ERVK3-1: variants seen among roughly 807,000 people sequenced by gnomAD.
The protein encoded by ERVK3-1 is HERV-K(HML6-1).
downstream of ERVK3-1, among the ~76,000 whole-genome samples, chr19:58,316,094 C>T (rs532389778): frequency 1.3e-5 from 2 of 152,208 alleles, no homozygotes; most frequent in South Asian, 4.1e-4. Context: ...GGGTGGCAGT[C>T]ACAGTGGCAC....
downstream of ERVK3-1, among the ~76,000 whole-genome samples, chr19:58,316,664 TGTCTCAAAAACCAA>T (rs2051594565): frequency 6.6e-6 from 1 of 152,180 alleles, no homozygotes; most frequent in Non-Finnish European, 1.5e-5. Context: ...AGCGAAACTC[TGTCTCAAAAACCAA>T]ACAAAAAACA....
chr19:58,315,834 G>T (rs1475829769), downstream of ERVK3-1, among the ~76,000 whole-genome samples: 1 of 152,160 alleles, frequency 6.6e-6, no homozygotes, highest in African/African-American at 2.4e-5. Context: ...TCATTTTCCA[G>T]AATCCCAGGC....
In ERVK3-1 at chr19:58,310,899, C is replaced by T. The variant is rs2147970306; in HGVS notation, c.-3-1267C>T. 1.0e-5 allele frequency: 4 copies of T among 392,964 alleles called. No individual in the cohort carries two copies. The highest frequency in any genetic ancestry group is 7.3e-5 in the South Asian group (4 of 55,122). 24.3% of individuals were successfully genotyped at this position (392,964 alleles called of 1,614,324 possible). ...TTGACACTTTTCGCTACCGCTAGAC[C>T]ACGGTCTTCCCAAACGCTGGCGTCA... On this transcript the variant is annotated intron_variant, in intron 2 of 3. Transcript: ENST00000413518. The surrounding 1 kb of genome is among the most constrained non-coding windows in gnomAD (Gnocchi z 4.7).
downstream of ERVK3-1, among the ~76,000 whole-genome samples, chr19:58,315,900 A>T (rs2051589637): frequency 6.6e-6 from 1 of 152,196 alleles, no homozygotes. Context: ...TGTAGGATCA[A>T]AGAGAAGGCG....
intron 2 of ERVK3-1, chr19:58,311,209 C>T (rs1263516916): frequency 6.6e-6 from 1 of 152,262 alleles, no homozygotes; most frequent in African/African-American, 2.4e-5. Flanking sequence ...CCCGTGTCCT[C>T]TGTCTCTTGC....
chr19:58,314,907 A>C (rs749657104), exon 4 of ERVK3-1: 14 of 395,504 alleles, frequency 3.5e-5, no homozygotes, highest in African/African-American at 8.2e-5. Context: ...GTGAGCAAAC[A>C]GCAAACTGTT....
chr19:58,305,887 G>A (rs1039764330), intron 1 of ERVK3-1, among the ~76,000 whole-genome samples: 5 of 152,192 alleles, frequency 3.3e-5, no homozygotes, highest in Non-Finnish European at 4.4e-5. Flanking sequence ...AAAGAAAGCA[G>A]TCATGTGGGC....
chr19:58,311,987 T>G (rs1426075224), intron 2 of ERVK3-1, 179 bp from the exon 3 acceptor site: 1 of 392,936 alleles, frequency 2.5e-6, no homozygotes, highest in Admixed American at 4.4e-5. Flanking sequence ...CCTTGTTTAC[T>G]TTAAATTGTT....
At chr19:58,307,833 G>A (rs1012434855) in intron 2 of ERVK3-1, among the ~76,000 whole-genome samples, 1 of 152,218 alleles carries the variant, frequency 6.6e-6, no homozygotes, top group Non-Finnish European at 1.5e-5. Flanking sequence ...TGGGTTCCTG[G>A]AGGAACATTG....
intron 2 of ERVK3-1, among the ~76,000 whole-genome samples, chr19:58,307,369 C>T (rs2051530385): frequency 6.6e-6 from 1 of 152,166 alleles, no homozygotes; most frequent in African/African-American, 2.4e-5. Flanking sequence ...GCATTAGCAC[C>T]CGTGAGATGT....
intron 3 of ERVK3-1, among the ~76,000 whole-genome samples, chr19:58,314,165 A>G (rs1335661586): frequency 6.6e-6 from 1 of 152,226 alleles, no homozygotes; most frequent in Admixed American, 6.5e-5. Context: ...ATAGAACCAA[A>G]GTGAATATCC....
chr19:58,308,866 T>G (rs571722270), intron 2 of ERVK3-1, among the ~76,000 whole-genome samples: 11 of 152,322 alleles, frequency 7.2e-5, no homozygotes, highest in African/African-American at 2.6e-4. Context: ...TCACCAGTAT[T>G]TGTGACCCCC....
chr19:58,310,770 C>T lies in ERVK3-1; in HGVS notation c.-3-1396C>T. On this transcript the variant is annotated intron_variant, in intron 2 of 3. Coordinates refer to ENST00000413518, the Ensembl canonical transcript of ERVK3-1. This position sits in a 1 kb window ranked among gnomAD's most constrained non-coding sequence, Gnocchi z 4.7. Reference sequence around the variant, plus strand: ...GTGGGCGAGCCTGACTAATGTCAGGCCCTCCACAAGAGGTGGAGGAGCAGA... The same window carrying T: ...GTGGGCGAGCCTGACTAATGTCAGGTCCTCCACAAGAGGTGGAGGAGCAGA... 3.8e-6 allele frequency: 1 copy of T among 263,364 alleles called. No homozygotes were observed. Among genetic ancestry groups the T allele is most frequent in the Non-Finnish European group, 7.9e-6 (1 of 127,112 alleles). The allele number at this position is 263,364 out of a possible 1,614,324, so 16.3% of individuals were successfully genotyped here.
rs2051579674 is a variant in ERVK3-1, at chr19:58,314,726, GTC to G, written c.295-18_295-17del. 8.2e-6 allele frequency: 3 copies of G among 366,002 alleles called. No individual in the cohort carries two copies. The highest frequency in any genetic ancestry group is 1.3e-4 in the South Asian group (1 of 7,468). 22.7% of individuals were successfully genotyped at this position (366,002 alleles called of 1,614,324 possible). ...ATAATTACAAGAATAATGTTGTTATGTCTCTGTTTTTTTGCTCATAGTCTATA... is the reference window on the plus strand; with the variant it reads ...ATAATTACAAGAATAATGTTGTTATGTCTGTTTTTTTGCTCATAGTCTATA... On this transcript the variant is annotated intron_variant, in intron 3 of 3. Coordinates refer to ENST00000413518, the Ensembl canonical transcript of ERVK3-1.
chr19:58,311,938 TA>T (rs1331237848), intron 2 of ERVK3-1: 2 of 352,760 alleles, frequency 5.7e-6, no homozygotes, highest in Non-Finnish European at 1.0e-5. Flanking sequence ...AAAGGGAGAA[TA>T]GGGGACCAAT....
At chr19:58,315,488 T>A (rs1229065676) in exon 4 of ERVK3-1, 1 of 152,386 alleles carries the variant, frequency 6.6e-6, no homozygotes. Context: ...CTGAACGTTT[T>A]CAGAGTTCAT....
chr19:58,310,936 A>G lies in ERVK3-1; in HGVS notation c.-3-1230A>G. The G allele has an allele frequency of 3.1e-6, 1 of 327,866 alleles. No homozygotes were observed. Among genetic ancestry groups the G allele is most frequent in the Middle Eastern group, 1.1e-3 (1 of 944 alleles). 20.3% of individuals were successfully genotyped at this position (327,866 alleles called of 1,614,324 possible). A position where few individuals can be genotyped will look rare whatever the true frequency, so the allele number is the denominator to read the frequency against. On this transcript the variant is annotated intron_variant, in intron 2 of 3. Transcript: ENST00000413518. This position sits in a 1 kb window ranked among gnomAD's most constrained non-coding sequence, Gnocchi z 4.7. ...AAACGCTGGCGTCACCACTAGACCA[A>G]GGAGCCCTCTGGTGGCCCTGTCTGG...
downstream of ERVK3-1, among the ~76,000 whole-genome samples, chr19:58,315,843 G>A (rs2051589350): frequency 1.3e-5 from 2 of 152,114 alleles, no homozygotes; most frequent in South Asian, 4.1e-4. Context: ...AGAATCCCAG[G>A]CCTGGGCCCC....
rs1175127503 is a variant in ERVK3-1 at position 58,310,733 on chromosome 19, C to T, written c.-3-1433C>T. On this transcript the variant is annotated intron_variant, in intron 2 of 3. Transcript: ENST00000413518. This position sits in a 1 kb window ranked among gnomAD's most constrained non-coding sequence, Gnocchi z 4.7. Reference sequence around the variant, plus strand: ...CAGAATCACAGGGAGACGGTTAGGCCTCCGGATAACTGTGGGCGAGCCTGA... The same window carrying T: ...CAGAATCACAGGGAGACGGTTAGGCTTCCGGATAACTGTGGGCGAGCCTGA... 1.4e-5 allele frequency: 3 copies of T among 218,082 alleles called. No homozygotes were observed. Among genetic ancestry groups the T allele is most frequent in the Admixed American group, 4.9e-5 (1 of 20,222 alleles). 13.5% of individuals were successfully genotyped at this position (218,082 alleles called of 1,614,324 possible).
Sources: allele counts gnomAD v4.1 joint callset (sites outside exome capture counted in the v4.1 genomes callset), GRCh38; gene constraint gnomAD v4.1.1; non-coding constraint Gnocchi (gnomAD v3.1); transcripts MANE v1.5; gene names NCBI Gene and HGNC (gene_info 2026-07-23, HGNC 2026-07-21).